Variants in GRPR observed in about 807,000 individuals in gnomAD.
GRPR encodes gastrin releasing peptide receptor.
A neutral mutation model predicts 15.6 loss-of-function variants in GRPR; 4 were observed. The ratio of observed to expected loss-of-function variants is 0.26; its 90% confidence interval spans 0.13 to 0.59. The LOEUF (loss-of-function observed/expected upper bound fraction) is 0.59. GRPR is among the 20% of genes least tolerant of loss of function. GRPR has a pLI of 0.90. For missense variants in GRPR, 270 were observed against 304.1 expected (o/e 0.89, Z 0.83); for synonymous variants, 128 against 126.8 (o/e 1.01, Z -0.06).
chrX:16,140,997 A>G (rs1343212144), intron 1 of GRPR, among the ~76,000 whole-genome samples: 1 of 112,130 alleles, frequency 8.9e-6, no homozygotes, highest in African/African-American at 3.2e-5. Flanking sequence ...TACAATTTGC[A>G]AATGGGATTT....
rs768056683 is a variant in GRPR, at chrX:16,124,046, C to G, written c.93C>G (p.Asn31Lys). Residue 31 changes from asparagine (N) to lysine (K), a missense_variant, in exon 1 of 3, where the codon AAC becomes AAG. This residue lies in a region of GRPR where 115 missense variants were observed against 128.8 expected (regional missense o/e 0.89). Transcript: ENST00000380289. ...GTCACAGTGCGGATCTCCCCGTGAA[C>G]GATGACTGGTCCCACCCGGGGATCC... ...ISSHSADLPV[N>K]DDWSHPGILY... 24 of 1,203,501 alleles carry G rather than the reference C, an allele frequency of 2.0e-5. No individual in the cohort carries two copies. In the South Asian group the frequency reaches 4.2e-4, roughly 21 times the overall value.
chrX:16,149,146 T>A (rs1388562119), intron 1 of GRPR, among the ~76,000 whole-genome samples: 1 of 111,962 alleles, frequency 8.9e-6, no homozygotes, highest in Non-Finnish European at 1.9e-5. Flanking sequence ...CTAGGCTTCC[T>A]GTTGGGCTAG....
At chrX:16,147,358 C>A (rs993461062) in intron 1 of GRPR, among the ~76,000 whole-genome samples, 3 of 111,667 alleles carry the variant, frequency 2.7e-5, no homozygotes, top group African/African-American at 9.7e-5. Context: ...TCACAAATAT[C>A]TTTTTATTGT....
At chrX:16,150,244 C>T (rs1922675014) in intron 1 of GRPR, 61 bp from the exon 2 acceptor site, 7 of 831,673 alleles carry the variant, frequency 8.4e-6, no homozygotes, top group Non-Finnish European at 1.3e-5. Flanking sequence ...CAACTTAGTC[C>T]TGGCCCTGGT....
chrX:16,125,065 T>A lies in GRPR; in HGVS notation c.413+699T>A, dbSNP rs181568546. Among the ~76,000 whole-genome samples, 38 of 112,547 alleles carry A rather than the reference T, an allele frequency of 3.4e-4. No individual in the cohort carries two copies. The East Asian group carries it at 0.01, about 30-fold the overall frequency. On this transcript the variant is annotated intron_variant, in intron 1 of 2. Coordinates refer to ENST00000380289, the MANE Select transcript of GRPR (RefSeq NM_005314.3). ...CTTCATATACCATGCTTTTGGGGCT[T>A]ATTGTGGGGAGGAAGAGGGAGTTCA...
chrX:16,134,190 T>C (rs1922416741), intron 1 of GRPR, among the ~76,000 whole-genome samples: 1 of 111,874 alleles, frequency 8.9e-6, no homozygotes. Flanking sequence ...ATTTGCCATC[T>C]TTTTTTCCTC....
chrX:16,152,591 C>T lies in GRPR; in HGVS notation c.1101C>T (p.Ser367=), dbSNP rs773980405. The change falls in exon 3 of 3, where the codon TCC becomes TCT. Residue 367 remains serine (S), a synonymous_variant. Transcript: ENST00000380289. ...CCTCCCTCAAGAGTACCAACCCCTC[C>T]GTGGCCACCTTTAGCCTCATCAATG... ...CMTSLKSTNP[S]VATFSLINGN... is the part of the protein sequence containing the mutation. 20 of 1,206,852 alleles carry T rather than the reference C, an allele frequency of 1.7e-5. No homozygotes were observed. The highest frequency in any genetic ancestry group is 2.3e-4 in the Middle Eastern group (1 of 4,342).
At chrX:16,135,467 G>T (rs931324801) in intron 1 of GRPR, among the ~76,000 whole-genome samples, 10 of 112,029 alleles carry the variant, frequency 8.9e-5, no homozygotes, top group African/African-American at 3.2e-4. Flanking sequence ...AAAGAAGTAG[G>T]GGAAAAATGC....
At chrX:16,143,935 G>T (rs913123514) in intron 1 of GRPR, among the ~76,000 whole-genome samples, 1 of 112,169 alleles carries the variant, frequency 8.9e-6, no homozygotes, top group African/African-American at 3.2e-5. Flanking sequence ...ATACTGAAGT[G>T]CAGAGTCCAC....
intron 1 of GRPR, among the ~76,000 whole-genome samples, chrX:16,128,532 A>G (rs1356632971): frequency 1.8e-5 from 2 of 111,434 alleles, no homozygotes. Context: ...TAATAATAAT[A>G]ATAATAACAA....
Position 16,123,887 on chromosome X carries a change from G to A in GRPR, c.-67G>A, listed in dbSNP as rs1467865294. The A allele has an allele frequency of 8.9e-6, 8 of 899,633 alleles. No individual in the cohort carries two copies. The highest frequency in any genetic ancestry group is 1.1e-5 in the Non-Finnish European group (7 of 620,644). The allele number at this position is 899,633 out of a possible 1,213,427, so 74.1% of individuals were successfully genotyped here. A position where few individuals can be genotyped will look rare whatever the true frequency, so the allele number is the denominator to read the frequency against. ...ATAGATCTTATCTTCATCTTCACTC[G>A]GTTGCAAAATCAATAGTTAAGAAAT... is the stretch of plus-strand genomic sequence containing the variant. On this transcript the variant is annotated 5_prime_UTR_variant, in exon 1 of 3. Coordinates refer to ENST00000380289, the MANE Select transcript of GRPR (RefSeq NM_005314.3).
chrX:16,138,538 G>A (rs1217603845), intron 1 of GRPR, among the ~76,000 whole-genome samples: 3 of 111,905 alleles, frequency 2.7e-5, no homozygotes, highest in East Asian at 2.8e-4. Flanking sequence ...AATGAAAAAC[G>A]TCCTTCAAAA....
At chrX:16,140,721 C>T (rs1244975558) in intron 1 of GRPR, among the ~76,000 whole-genome samples, 4 of 111,923 alleles carry the variant, frequency 3.6e-5, no homozygotes, top group African/African-American at 1.3e-4. Context: ...CCCAGTTGCC[C>T]ACCGTGGTGC....
chrX:16,144,780 A>T (rs1192634617), intron 1 of GRPR, among the ~76,000 whole-genome samples: 1 of 112,150 alleles, frequency 8.9e-6, no homozygotes, highest in Non-Finnish European at 1.9e-5. Context: ...TTGTCAGTCT[A>T]TTGAAGAATG....
At chrX:16,138,233 G>A (rs1922477554) in intron 1 of GRPR, among the ~76,000 whole-genome samples, 1 of 111,861 alleles carries the variant, frequency 8.9e-6, no homozygotes, top group African/African-American at 3.3e-5. Context: ...GCCCTCTAGC[G>A]AGCACCAAGG....
At chrX:16,138,076 A>T (rs1922475460) in intron 1 of GRPR, among the ~76,000 whole-genome samples, 1 of 111,843 alleles carries the variant, frequency 8.9e-6, no homozygotes. Flanking sequence ...ACCATGCAAA[A>T]GTAGCTGCTT....
In GRPR at chrX:16,123,865, G is replaced by C. The variant is rs367688188; in HGVS notation, c.-89G>C. On this transcript the variant is annotated 5_prime_UTR_variant, in exon 1 of 3. Transcript: ENST00000380289. ...TAAAGAAGGCAAAGAGCCCGGCATA[G>C]ATCTTATCTTCATCTTCACTCGGTT... 3 of 719,497 alleles carry C rather than the reference G, an allele frequency of 4.2e-6. No homozygotes were observed. The allele number at this position is 719,497 out of a possible 1,213,427, so 59.3% of individuals were successfully genotyped here.
At chrX:16,139,822 T>G (rs1922505144) in intron 1 of GRPR, among the ~76,000 whole-genome samples, 1 of 112,008 alleles carries the variant, frequency 8.9e-6, no homozygotes, top group African/African-American at 3.2e-5. Context: ...TCTTCATGTG[T>G]TAAGAAAAAG....
intron 1 of GRPR, among the ~76,000 whole-genome samples, chrX:16,149,173 A>G (rs761827291): frequency 8.9e-6 from 1 of 111,957 alleles, no homozygotes; most frequent in East Asian, 2.8e-4. Flanking sequence ...ATGACCAGCT[A>G]TCCCAGTTTG....
Sources: allele counts gnomAD v4.1 joint callset (sites outside exome capture counted in the v4.1 genomes callset), GRCh38; gene constraint gnomAD v4.1.1; regional missense constraint gnomAD v4.1.1; transcripts MANE v1.5; gene names NCBI Gene and HGNC (gene_info 2026-07-23, HGNC 2026-07-21).